GRB10: variants seen among roughly 807,000 people sequenced by gnomAD.
GRB10 encodes growth factor receptor bound protein 10.
A neutral mutation model predicts 80.9 loss-of-function variants in GRB10; 20 were observed. That is an observed-to-expected ratio of 0.25 (90% CI 0.17 to 0.36). The LOEUF is 0.36. GRB10 is among the 10% of genes least tolerant of loss of function. The pLI, the probability that GRB10 is intolerant of heterozygous loss-of-function variation, is 1.00. For synonymous variants in GRB10, 291 were observed against 291.5 expected, an observed-to-expected ratio of 1.00 and a Z score of 0.02; for missense variants, 548 against 747.7, an observed-to-expected ratio of 0.73 and a Z score of 3.12.
intron 6 of GRB10, among the ~76,000 whole-genome samples, chr7:50,670,727 A>G (rs1202731009): frequency 6.6e-6 from 1 of 152,228 alleles, no homozygotes; most frequent in African/African-American, 2.4e-5. Flanking sequence ...GCATTAATCT[A>G]ATCAAATGAA....
chr7:50,596,589 T>C (rs1438967114), intron 17 of GRB10, among the ~76,000 whole-genome samples: 4 of 152,254 alleles, frequency 2.6e-5, no homozygotes, highest in African/African-American at 9.6e-5. Flanking sequence ...ATGAACTGCG[T>C]CGTCAATGTT....
chr7:50,707,027 G>T lies in GRB10; in HGVS notation c.52-3119C>A, dbSNP rs554030909. Among the ~76,000 whole-genome samples the T allele has an allele frequency of 7.9e-5, 12 of 152,304 alleles. No individual in the cohort carries two copies. In the East Asian group the frequency reaches 2.3e-3, roughly 29 times the overall value. ...AGCAAATGTTTTTCCCACTTTGCAT[G>T]TCTTTAAATTTAATTATACTTTTGA... On this transcript the variant is annotated intron_variant, in intron 4 of 18. Coordinates refer to ENST00000401949, the MANE Select transcript of GRB10 (RefSeq NM_001350814.2).
At chr7:50,792,829 G>T (rs1413479153) in intron 1 of GRB10, 2 of 154,650 alleles carry the variant, frequency 1.3e-5, no homozygotes, top group African/African-American at 2.4e-5. Context: ...CCAGGAGCGC[G>T]GCCTTGACCG....
At chr7:50,722,647 G>A (rs1020525545) in intron 4 of GRB10, among the ~76,000 whole-genome samples, 4 of 151,970 alleles carry the variant, frequency 2.6e-5, no homozygotes, top group Admixed American at 6.6e-5. Context: ...CAGAGTGACC[G>A]GATGATGGGG....
At chr7:50,645,474 A>G (rs1401093644) in intron 7 of GRB10, 1 of 388,722 alleles carries the variant, frequency 2.6e-6, no homozygotes, top group African/African-American at 2.2e-5. Flanking sequence ...CATGAGCCAA[A>G]AACACTGCCA....
chr7:50,721,242 A>G (rs1429678942), intron 4 of GRB10, among the ~76,000 whole-genome samples: 1 of 152,230 alleles, frequency 6.6e-6, no homozygotes, highest in East Asian at 1.9e-4. Context: ...CCAGAAATAA[A>G]TAATTCATCA....
chr7:50,752,550 G>A (rs1562614763), intron 3 of GRB10, among the ~76,000 whole-genome samples: 1 of 152,152 alleles, frequency 6.6e-6, no homozygotes, highest in Non-Finnish European at 1.5e-5. Flanking sequence ...CAGAGAAATG[G>A]TCCCTATCCT....
chr7:50,654,237 C>T (rs959760920), intron 7 of GRB10, among the ~76,000 whole-genome samples: 3 of 152,206 alleles, frequency 2.0e-5, no homozygotes, highest in African/African-American at 7.2e-5. Flanking sequence ...TAGGGCACCA[C>T]GGGGTCCCAG....
intron 2 of GRB10, among the ~76,000 whole-genome samples, chr7:50,769,931 C>T (rs73115461): frequency 0.021 from 3,173 of 152,312 alleles, 48 homozygotes; most frequent in Non-Finnish European, 0.034. Context: ...TTCAGTCTTC[C>T]CCCCAGTAAA....
At chr7:50,704,427 C>T (rs2064743694) in intron 4 of GRB10, among the ~76,000 whole-genome samples, 4 of 152,136 alleles carry the variant, frequency 2.6e-5, no homozygotes. Flanking sequence ...ATATTATGAT[C>T]CTAAGCCCAT....
intron 1 of GRB10, among the ~76,000 whole-genome samples, chr7:50,789,113 T>C (rs1033915879): frequency 3.9e-5 from 6 of 152,242 alleles, no homozygotes; most frequent in African/African-American, 1.4e-4. Flanking sequence ...ACTGTCACGC[T>C]AAACACAGTC....
chr7:50,651,508 G>A lies in GRB10; in HGVS notation c.504+18214C>T, dbSNP rs145058909. Among the ~76,000 whole-genome samples, 24 of 152,286 alleles carry A rather than the reference G, an allele frequency of 1.6e-4. No homozygotes were observed. The South Asian group carries it at 2.3e-3, about 14-fold the overall frequency. Reference sequence around the variant, plus strand: ...TGGCTAAGGAGCCCAGCCTACTCCAGTACGACCTCATCTTGATGAATCACA... The same window carrying A: ...TGGCTAAGGAGCCCAGCCTACTCCAATACGACCTCATCTTGATGAATCACA... On this transcript the variant is annotated intron_variant, in intron 7 of 18. Coordinates refer to ENST00000401949, the MANE Select transcript of GRB10 (RefSeq NM_001350814.2).
At chr7:50,613,876 C>T (rs1342671533) in intron 12 of GRB10, among the ~76,000 whole-genome samples, 1 of 152,200 alleles carries the variant, frequency 6.6e-6, no homozygotes, top group African/African-American at 2.4e-5. Context: ...TGTGTGTTCT[C>T]GGGATGTGGC....
At chr7:50,644,581 G>T (rs529452297) in intron 7 of GRB10, among the ~76,000 whole-genome samples, 1 of 152,152 alleles carries the variant, frequency 6.6e-6, no homozygotes, top group Non-Finnish European at 1.5e-5. Context: ...TGGGCATTCC[G>T]TTTCAGAAAA....
intron 5 of GRB10, among the ~76,000 whole-genome samples, chr7:50,694,043 C>T (rs1026749114): frequency 1.3e-5 from 2 of 152,154 alleles, no homozygotes; most frequent in African/African-American, 2.4e-5. Context: ...GGGACCACTT[C>T]GTCTGTGGTC....
chr7:50,721,932 C>T (rs1334341547), intron 4 of GRB10, among the ~76,000 whole-genome samples: 1 of 152,200 alleles, frequency 6.6e-6, no homozygotes, highest in Non-Finnish European at 1.5e-5. Flanking sequence ...GGCCAAGAAA[C>T]GGAAGAAGAA....
At chr7:50,631,212 C>T (rs1253646100) in intron 7 of GRB10, among the ~76,000 whole-genome samples, 5 of 152,178 alleles carry the variant, frequency 3.3e-5, no homozygotes, top group Non-Finnish European at 7.3e-5. Flanking sequence ...TGACTGCATC[C>T]AAAAGACCTC....
chr7:50,617,824 A>G, intron 10 of GRB10: 1 of 575,776 alleles, frequency 1.7e-6, no homozygotes, highest in Non-Finnish European at 3.1e-6. Context: ...TCTAAGTCAG[A>G]GCAAGGGCAT....
intron 7 of GRB10, among the ~76,000 whole-genome samples, chr7:50,649,623 C>A (rs1425291071): frequency 6.6e-6 from 1 of 152,184 alleles, no homozygotes; most frequent in Non-Finnish European, 1.5e-5. Flanking sequence ...CATACAAGAG[C>A]TGCTGGGCTG....
Sources: gnomAD v4.1 joint callset for allele counts (sites outside exome capture counted in the v4.1 genomes callset) on GRCh38, gnomAD v4.1.1 for gene constraint, MANE v1.5 for transcripts, NCBI Gene and HGNC (gene_info 2026-07-23, HGNC 2026-07-21) for gene names.